COL19A1: variants seen among roughly 807,000 people sequenced by gnomAD.
COL19A1 encodes collagen type XIX alpha 1 chain.
COL19A1 carries 159 observed loss-of-function variants against 190.2 expected under a neutral mutation model. The observed-to-expected ratio is 0.84, with a 90% CI of 0.73 to 0.95. The LOEUF (loss-of-function observed/expected upper bound fraction) is 0.95, where lower values mean the gene tolerates loss of function less well. Ranked by LOEUF, COL19A1 falls within the 40% of genes least tolerant of loss-of-function variation. The probability of loss-of-function intolerance (pLI) is 0.00; values close to 1 mark genes in which losing one functional copy is unlikely to be tolerated. For synonymous variants in COL19A1, 509 were observed against 458.9 expected (o/e 1.11, Z -1.39); for missense variants, 1,418 against 1,431.9 (o/e 0.99, Z 0.16).
At chr6:70,181,342 A>T (rs938670855) in intron 44 of COL19A1, among the ~76,000 whole-genome samples, 4 of 152,120 alleles carry the variant, frequency 2.6e-5, no homozygotes, top group Non-Finnish European at 2.9e-5. Context: ...AGTCAGGAAG[A>T]TCTGGGTCTG....
At chr6:70,144,870 A>G in intron 24 of COL19A1, 48 bp from the exon 25 acceptor site, 3 of 1,225,084 alleles carry the variant, frequency 2.4e-6, no homozygotes, top group Middle Eastern at 1.9e-4. Context: ...CTCACTTCCC[A>G]CCATGAACCT....
At chr6:70,054,281 C>T (rs1172164738) in intron 14 of COL19A1, among the ~76,000 whole-genome samples, 24 of 152,096 alleles carry the variant, frequency 1.6e-4, no homozygotes, top group African/African-American at 1.4e-4. Flanking sequence ...ACCCAGGAGG[C>T]GGAGGTTGCA....
At chr6:69,990,627 G>C (rs1776564418) in intron 11 of COL19A1, among the ~76,000 whole-genome samples, 1 of 151,936 alleles carries the variant, frequency 6.6e-6, no homozygotes, top group Non-Finnish European at 1.5e-5. Context: ...GCCAACTGCA[G>C]TTTCATGGTG....
intron 11 of COL19A1, among the ~76,000 whole-genome samples, chr6:69,973,605 A>C (rs1377197499): frequency 1.4e-5 from 2 of 143,494 alleles, no homozygotes; most frequent in African/African-American, 5.0e-5. Flanking sequence ...GTATAAAAAA[A>C]AGATGTGTTT....
intron 14 of COL19A1, among the ~76,000 whole-genome samples, chr6:70,062,178 G>A (rs1003816360): frequency 6.6e-6 from 1 of 152,000 alleles, no homozygotes; most frequent in Non-Finnish European, 1.5e-5. Context: ...TGTGGAGAAG[G>A]AGTAACAAAG....
Position 70,150,045 on chromosome 6 carries a change from G to A in COL19A1, c.2037G>A (p.Pro679=), listed in dbSNP as rs745954252. Residue 679 remains proline (P), a splice_region_variant and synonymous_variant, in exon 30 of 51, where the codon CCG becomes CCA. Transcript: ENST00000620364. ...KPGLPGPPGD[P]IALPLLGDIG... is the part of the protein sequence containing the mutation. ...GCCTGCCAGGCCCCCCAGGTGACCC[G>A]GTATGTAGACAAACCTTGTCTGATT... The A allele has an allele frequency of 3.2e-5, 52 of 1,613,460 alleles. No homozygotes were observed. Among genetic ancestry groups the A allele is most frequent in the African/African-American group, 1.3e-4 (10 of 74,868 alleles).
At chr6:70,055,076 A>T (rs1042277996) in intron 14 of COL19A1, among the ~76,000 whole-genome samples, 1 of 152,194 alleles carries the variant, frequency 6.6e-6, no homozygotes, top group Non-Finnish European at 1.5e-5. Context: ...CAATTTTTTT[A>T]AATCCCAAGA....
In COL19A1 at chr6:69,960,013, T is replaced by C. The variant is rs748094961; in HGVS notation, c.954T>C (p.His318=). The change falls in exon 10 of 51, where the codon CAT becomes CAC. Residue 318 remains histidine, a synonymous_variant. Transcript: ENST00000620364. ...TCTTTTAGGGTGAAAATGGTTTACA[T>C]GGTGCTCCAGGATTCCCTGGTCAAA... ...HKGEPGENGL[H]GAPGFPGQKG... The C allele has an allele frequency of 6.2e-7, 1 of 1,613,736 alleles. No homozygotes were observed. The highest frequency in any genetic ancestry group is 1.1e-5 in the South Asian group (1 of 90,968).
intron 32 of COL19A1, 35 bp from the exon 33 acceptor site, chr6:70,156,281 C>A: frequency 1.2e-6 from 2 of 1,612,830 alleles, no homozygotes; most frequent in Non-Finnish European, 1.7e-6. Context: ...ACATGTAGTG[C>A]ATCCTCTCAG....
chr6:70,204,377 T>C (rs1466704788), intron 49 of COL19A1, among the ~76,000 whole-genome samples: 3 of 152,218 alleles, frequency 2.0e-5, no homozygotes, highest in East Asian at 3.8e-4. Flanking sequence ...GCAGCCTTCA[T>C]AATGAATGAG....
At chr6:69,913,910 A>C (rs1771122876) in intron 4 of COL19A1, among the ~76,000 whole-genome samples, 1 of 152,054 alleles carries the variant, frequency 6.6e-6, no homozygotes, top group Admixed American at 6.6e-5. Flanking sequence ...AGGATACTTC[A>C]GAATTTAGAG....
intron 2 of COL19A1, among the ~76,000 whole-genome samples, chr6:69,887,020 G>A (rs2149954066): frequency 6.6e-6 from 1 of 152,104 alleles, no homozygotes; most frequent in East Asian, 1.9e-4. Flanking sequence ...TTTTTATAAA[G>A]GCTTTTAGTG....
intron 9 of COL19A1, among the ~76,000 whole-genome samples, chr6:69,941,921 C>T (rs1773493426): frequency 6.6e-6 from 1 of 152,150 alleles, no homozygotes; most frequent in African/African-American, 2.4e-5. Context: ...AACTCCTGAC[C>T]TCAGGTCATC....
chr6:70,161,675 A>G (rs142949128), intron 34 of COL19A1, among the ~76,000 whole-genome samples: 137 of 152,282 alleles, frequency 9.0e-4, no homozygotes, highest in Non-Finnish European at 1.4e-3. Flanking sequence ...TCACCATTAT[A>G]CAATTTATCC....
chr6:70,115,825 GTTTTT>G (rs57814985), intron 16 of COL19A1, among the ~76,000 whole-genome samples: 1 of 117,200 alleles, frequency 8.5e-6, no homozygotes, highest in Non-Finnish European at 1.7e-5. Flanking sequence ...TTGGTGTTTT[GTTTTT>G]TTTTTTTTTT....
At chr6:70,054,468 A>G (rs1780383165) in intron 14 of COL19A1, among the ~76,000 whole-genome samples, 1 of 152,212 alleles carries the variant, frequency 6.6e-6, no homozygotes, top group Non-Finnish European at 1.5e-5. Context: ...ATGACAACTT[A>G]TCATCTTTGT....
intron 18 of COL19A1, among the ~76,000 whole-genome samples, chr6:70,130,880 C>T (rs983427094): frequency 5.9e-5 from 9 of 152,214 alleles, no homozygotes; most frequent in African/African-American, 2.2e-4. Flanking sequence ...ATGCCTCAAG[C>T]CCAGGCTCAC....
At chr6:70,002,326 C>CT (rs1190002607) in intron 11 of COL19A1, among the ~76,000 whole-genome samples, 3 of 151,980 alleles carry the variant, frequency 2.0e-5, no homozygotes, top group South Asian at 4.1e-4. Context: ...CTTAAGTTTT[C>CT]TTTTTTTGTT....
chr6:70,080,751 C>G (rs1000461538), intron 15 of COL19A1, among the ~76,000 whole-genome samples: 1 of 152,094 alleles, frequency 6.6e-6, no homozygotes, highest in South Asian at 2.1e-4. Context: ...ATTTCTGAAG[C>G]ATGCTAATTA....
Sources: allele counts gnomAD v4.1 joint callset (sites outside exome capture counted in the v4.1 genomes callset), GRCh38; gene constraint gnomAD v4.1.1; transcripts MANE v1.5; gene names NCBI Gene and HGNC (gene_info 2026-07-23, HGNC 2026-07-21).